Variants in RDX observed in about 807,000 individuals in gnomAD.
RDX encodes the protein radixin.
A neutral mutation model predicts 83.7 loss-of-function variants in RDX; 32 were observed. That is an observed-to-expected ratio of 0.38 (90% confidence interval 0.29 to 0.51). The LOEUF is 0.51. Among genes scored for constraint, RDX ranks in the 20% least tolerant of loss-of-function variants. The probability of loss-of-function intolerance (pLI) is 0.87; values close to 1 mark genes in which losing one functional copy is unlikely to be tolerated. For synonymous variants in RDX, 229 were observed against 222.7 expected (o/e 1.03, Z -0.25); for missense variants, 600 against 689.9 (o/e 0.87, Z 1.46).
chr11:110,270,166 A>G (rs1342323087), intron 3 of RDX, among the ~76,000 whole-genome samples: 2 of 152,056 alleles, frequency 1.3e-5, no homozygotes, highest in East Asian at 1.9e-4. Flanking sequence ...ATGGGGATAC[A>G]TTCTGAGAAA....
intron 10 of RDX, among the ~76,000 whole-genome samples, chr11:110,245,936 C>CTA (rs930305292): frequency 1.8e-4 from 27 of 152,270 alleles, no homozygotes; most frequent in African/African-American, 6.3e-4. Context: ...AGGTCTGGTG[C>CTA]TATATATATA....
chr11:110,223,372 C>CA (rs1356709786), intron 14 of RDX, among the ~76,000 whole-genome samples: 1 of 150,732 alleles, frequency 6.6e-6, no homozygotes, highest in Non-Finnish European at 1.5e-5. Context: ...TAATAAAAAA[C>CA]AAAAAAATTA....
chr11:110,294,050 T>C (rs1266893852), intron 1 of RDX, among the ~76,000 whole-genome samples: 2 of 152,198 alleles, frequency 1.3e-5, no homozygotes, highest in East Asian at 1.9e-4. Context: ...AATAAAAATA[T>C]ATAAAGACTT....
chr11:110,233,200 T>C, intron 13 of RDX, 37 bp downstream of exon 13: 1 of 1,611,328 alleles, frequency 6.2e-7, no homozygotes, highest in East Asian at 2.2e-5. Flanking sequence ...ATGCAAACTA[T>C]ATTTCAAATG....
chr11:110,208,885 G>A (rs958984283), intron 14 of RDX, among the ~76,000 whole-genome samples: 6 of 152,180 alleles, frequency 3.9e-5, no homozygotes, highest in African/African-American at 9.7e-5. Flanking sequence ...GAACCCAGGA[G>A]GCAGAGGTTG....
chr11:110,281,938 C>CAAAA (rs750336725), intron 1 of RDX, among the ~76,000 whole-genome samples: 1 of 91,234 alleles, frequency 1.1e-5, no homozygotes, highest in Admixed American at 1.3e-4. Flanking sequence ...CCATCTCTAT[C>CAAAA]AAAAAAAAAA....
chr11:110,291,895 G>A (rs1332077761), intron 1 of RDX, among the ~76,000 whole-genome samples: 1 of 152,090 alleles, frequency 6.6e-6, no homozygotes, highest in Admixed American at 6.5e-5. Context: ...ACTTCAGGAG[G>A]CCGAGGCAGA....
chr11:110,215,047 A>ATATATATATATATATATATATAT (rs1555033344), intron 14 of RDX, among the ~76,000 whole-genome samples: 2 of 116,056 alleles, frequency 1.7e-5, no homozygotes, highest in African/African-American at 6.3e-5. Context: ...AAAAAAAAAA[A>ATATATATATATATATATATATAT]AAATATATAT....
intron 9 of RDX, 90 bp downstream of exon 9, chr11:110,253,856 A>G (rs1394006354): frequency 9.4e-7 from 1 of 1,068,444 alleles, no homozygotes; most frequent in Admixed American, 1.8e-5. Flanking sequence ...AATAAATACA[A>G]ATTTAAGGTA....
intron 9 of RDX, among the ~76,000 whole-genome samples, chr11:110,252,713 T>A (rs900808409): frequency 6.6e-6 from 1 of 152,200 alleles, no homozygotes; most frequent in African/African-American, 2.4e-5. Context: ...CACAATGTAA[T>A]GCTACAGCAC....
chr11:110,247,458 T>C (rs756452644), intron 10 of RDX, among the ~76,000 whole-genome samples: 10 of 152,154 alleles, frequency 6.6e-5, no homozygotes, highest in Admixed American at 1.3e-4. Flanking sequence ...AATATTTGCA[T>C]GTTTAAAACA....
intron 15 of RDX, among the ~76,000 whole-genome samples, chr11:110,192,446 CT>C (rs1480812020): frequency 2.0e-5 from 3 of 151,962 alleles, no homozygotes; most frequent in Non-Finnish European, 2.9e-5. Context: ...AGAAGAAAAC[CT>C]GGCCCTAGCA....
intron 9 of RDX, among the ~76,000 whole-genome samples, chr11:110,253,556 G>A (rs1237486864): frequency 1.3e-5 from 2 of 152,128 alleles, no homozygotes; most frequent in Non-Finnish European, 2.9e-5. Flanking sequence ...TTGGCACAGT[G>A]ACGTTTCAGT....
intron 15 of RDX, among the ~76,000 whole-genome samples, chr11:110,180,800 C>T (rs1365439991): frequency 6.6e-6 from 1 of 152,086 alleles, no homozygotes; most frequent in Non-Finnish European, 1.5e-5. Context: ...CCTTCTCTCA[C>T]TTTGGGTATC....
intron 1 of RDX, among the ~76,000 whole-genome samples, chr11:110,295,277 C>A (rs1861399383): frequency 7.1e-6 from 1 of 141,670 alleles, no homozygotes; most frequent in Non-Finnish European, 1.5e-5. Flanking sequence ...TTCTTAGCTC[C>A]ATCAGTCATA....
intron 1 of RDX, among the ~76,000 whole-genome samples, chr11:110,293,520 T>A (rs1015674290): frequency 2.0e-5 from 3 of 152,162 alleles, no homozygotes; most frequent in African/African-American, 7.2e-5. Flanking sequence ...ACCTCTATCA[T>A]CAAAGCAGTA....
chr11:110,291,229 GT>G (rs1463222647), intron 1 of RDX, among the ~76,000 whole-genome samples: 1 of 152,100 alleles, frequency 6.6e-6, no homozygotes, highest in Non-Finnish European at 1.5e-5. Flanking sequence ...AGAGGCTGAG[GT>G]GGGAGGACTG....
chr11:110,215,440 A>G (rs955209559), intron 14 of RDX, among the ~76,000 whole-genome samples: 1 of 151,976 alleles, frequency 6.6e-6, no homozygotes, highest in African/African-American at 2.4e-5. Flanking sequence ...CCTCCCCTAC[A>G]AGAGTAAATC....
chr11:110,180,783 C>T (rs577379037), intron 15 of RDX, among the ~76,000 whole-genome samples: 1 of 152,026 alleles, frequency 6.6e-6, no homozygotes, highest in East Asian at 1.9e-4. Context: ...CCAGGTGCTG[C>T]GTGGATCCTT....
Sources: allele counts gnomAD v4.1 joint callset (sites outside exome capture counted in the v4.1 genomes callset), GRCh38; gene constraint gnomAD v4.1.1; transcripts MANE v1.5; gene names NCBI Gene and HGNC (gene_info 2026-07-23, HGNC 2026-07-21).